The following CRCP variants were observed in gnomAD, a reference collection of about 807,000 sequenced individuals.
The protein encoded by CRCP is DNA-directed RNA polymerase III subunit RPC9.
In CRCP, 18 loss-of-function variants were observed where a neutral mutation model predicts 18.5. The ratio of observed to expected loss-of-function variants is 0.97; its 90% CI spans 0.67 to 1.44. CRCP has a LOEUF of 1.44. Among genes scored for constraint, CRCP ranks in the 40% most tolerant of loss-of-function variants. The pLI is 0.00. For missense variants in CRCP, 130 were observed against 176.4 expected (o/e 0.74, Z 1.49); for synonymous variants, 53 against 62.9 (o/e 0.84, Z 0.75).
At chr7:66,131,443 T>A (rs1344639286) in intron 3 of CRCP, among the ~76,000 whole-genome samples, 1 of 152,126 alleles carries the variant, frequency 6.6e-6, no homozygotes, top group Non-Finnish European at 1.5e-5. Context: ...CAGGTGATGC[T>A]CCCAGCTTAG....
At chr7:66,118,018 C>G (rs1316973340) in intron 1 of CRCP, among the ~76,000 whole-genome samples, 4 of 152,200 alleles carry the variant, frequency 2.6e-5, no homozygotes, top group Non-Finnish European at 5.9e-5. Flanking sequence ...CTTGCTCTGT[C>G]ACCCAGGCTG....
At chr7:66,150,139 G>T (rs1320856645) in intron 5 of CRCP, among the ~76,000 whole-genome samples, 2 of 151,320 alleles carry the variant, frequency 1.3e-5, no homozygotes, top group South Asian at 2.1e-4. Flanking sequence ...TTTTTGGCCG[G>T]GCGCGGTGGC....
At chr7:66,146,795 T>A (rs953742917) in intron 5 of CRCP, among the ~76,000 whole-genome samples, 1 of 152,214 alleles carries the variant, frequency 6.6e-6, no homozygotes, top group Non-Finnish European at 1.5e-5. Context: ...CTGATTATTT[T>A]CATGCTTTAC....
intron 5 of CRCP, among the ~76,000 whole-genome samples, chr7:66,146,096 G>A (rs957989938): frequency 3.9e-5 from 6 of 151,998 alleles, no homozygotes; most frequent in Non-Finnish European, 8.8e-5. Context: ...TTCTTCACGC[G>A]GCTCTTGCGG....
At chr7:66,120,950 T>C (rs557533474) in intron 1 of CRCP, among the ~76,000 whole-genome samples, 224 of 152,008 alleles carry the variant, frequency 1.5e-3, no homozygotes, top group Non-Finnish European at 2.5e-3. Context: ...GAACCTGAAG[T>C]GAGGAGGCAC....
chr7:66,127,655 A>T, intron 1 of CRCP, 49 bp from the exon 2 acceptor site: 1 of 1,607,198 alleles, frequency 6.2e-7, no homozygotes, highest in Non-Finnish European at 8.5e-7. Context: ...TTTGATACCC[A>T]GAAAGGGGTG....
intron 5 of CRCP, among the ~76,000 whole-genome samples, chr7:66,148,475 A>G (rs190917489): frequency 1.3e-5 from 2 of 152,338 alleles, no homozygotes; most frequent in Admixed American, 6.5e-5. Context: ...CCCTGGGTTC[A>G]GAAAACAGTC....
chr7:66,140,495 A>G (rs1207930070), intron 4 of CRCP, among the ~76,000 whole-genome samples: 1 of 151,634 alleles, frequency 6.6e-6, no homozygotes, highest in African/African-American at 2.4e-5. Flanking sequence ...TCCTGGGTTC[A>G]AGTGATTCTC....
chr7:66,147,492 G>C (rs1049953261), intron 5 of CRCP, among the ~76,000 whole-genome samples: 9 of 152,340 alleles, frequency 5.9e-5, no homozygotes, highest in Admixed American at 5.9e-4. Context: ...GGGCTGGTGA[G>C]TGGCTGATTG....
chr7:66,122,032 G>A (rs921638073), intron 1 of CRCP, among the ~76,000 whole-genome samples: 1 of 152,164 alleles, frequency 6.6e-6, no homozygotes, highest in Non-Finnish European at 1.5e-5. Context: ...GAGAATTTGA[G>A]CAATTATTTT....
intron 2 of CRCP, among the ~76,000 whole-genome samples, chr7:66,128,885 T>C (rs1787698467): frequency 6.6e-6 from 1 of 151,994 alleles, no homozygotes; most frequent in African/African-American, 2.4e-5. Context: ...GAGTCTAAAC[T>C]CAGAAAGACT....
chr7:66,152,201 TCTG>T lies in CRCP; in HGVS notation c.298-5_298-3del. On this transcript the variant is annotated splice_region_variant and splice_polypyrimidine_tract_variant and intron_variant, in intron 5 of 5. Coordinates refer to ENST00000395326, the MANE Select transcript of CRCP (RefSeq NM_014478.5). ...GTAACCCTGGAGGATTTTCTTTCCT[TCTG>T]CAGATGGTGGAAGAGAGTGAAGAGC... The T allele has an allele frequency of 6.2e-7, 1 of 1,614,072 alleles. No individual in the cohort carries two copies. Among genetic ancestry groups the T allele is most frequent in the African/African-American group, 1.3e-5 (1 of 75,060 alleles).
chr7:66,114,847 G>T lies in CRCP; in HGVS notation c.-116G>T, dbSNP rs745565808. On this transcript the variant is annotated 5_prime_UTR_variant, in exon 1 of 6. Transcript: ENST00000395326. ...TCCCGGCATGCAGCGCGGCGATCCC[G>T]GCGAGCACCTTGGCGCGCGGAGCTG... is the stretch of plus-strand genomic sequence containing the variant. 19 of 1,598,990 alleles carry T rather than the reference G, an allele frequency of 1.2e-5. No homozygotes were observed. The highest frequency in any genetic ancestry group is 1.4e-5 in the Non-Finnish European group (16 of 1,168,660).
chr7:66,151,673 CTGTGTGTGTGTGTG>C lies in CRCP; in HGVS notation c.298-504_298-491del, dbSNP rs1223890806. On this transcript the variant is annotated intron_variant, in intron 5 of 5. Coordinates refer to ENST00000395326, the MANE Select transcript of CRCP (RefSeq NM_014478.5). Reference sequence around the variant, plus strand: ...TATGCAACCTGTTCACCACTTCTCTCTGTGTGTGTGTGTGTGTGTGTGTGTGTGTGTGTGTGTGT... The same window carrying C: ...TATGCAACCTGTTCACCACTTCTCTCTGTGTGTGTGTGTGTGTGTGTGTGT... Among the ~76,000 whole-genome samples the C allele has an allele frequency of 3.7e-3, 517 of 138,588 alleles. 9 individuals carry two copies. The highest frequency in any genetic ancestry group is 0.013 in the African/African-American group (478 of 37,194). 90.9% of individuals were successfully genotyped at this position (138,588 alleles called of 152,430 possible). A position where few individuals can be genotyped will look rare whatever the true frequency, so the allele number is the denominator to read the frequency against.
chr7:66,144,705 C>T (rs1788242249), intron 4 of CRCP, among the ~76,000 whole-genome samples: 1 of 152,140 alleles, frequency 6.6e-6, no homozygotes. Flanking sequence ...TTGGGAATGC[C>T]TGGCCTCAAG....
intron 4 of CRCP, among the ~76,000 whole-genome samples, chr7:66,138,621 TA>T (rs34807364): frequency 6.2e-4 from 58 of 93,408 alleles, no homozygotes; most frequent in East Asian, 2.3e-3. Context: ...TCGTCTCTAC[TA>T]AAAAAAAAAA....
In CRCP at chr7:66,120,194, A is replaced by G. The variant is rs200449721; in HGVS notation, c.8+5224A>G. Among the ~76,000 whole-genome samples, 62 of 141,508 alleles carry G rather than the reference A, an allele frequency of 4.4e-4. No homozygotes were observed. In the East Asian group the frequency reaches 0.01, roughly 23 times the overall value. The allele number at this position is 141,508 out of a possible 152,430, so 92.8% of individuals were successfully genotyped here. On this transcript the variant is annotated intron_variant, in intron 1 of 5. Coordinates refer to ENST00000395326, the MANE Select transcript of CRCP (RefSeq NM_014478.5). Reference sequence around the variant, plus strand: ...GCGAGACCCCGTCTCAAAAAAAAAGAAAAAAAGAAAAAGAAAAAAAAATGT... The same window carrying G: ...GCGAGACCCCGTCTCAAAAAAAAAGGAAAAAAGAAAAAGAAAAAAAAATGT...
At chr7:66,123,889 A>C (rs1787529402) in intron 1 of CRCP, among the ~76,000 whole-genome samples, 1 of 147,964 alleles carries the variant, frequency 6.8e-6, no homozygotes, top group Non-Finnish European at 1.5e-5. Context: ...CGTCTGTACT[A>C]AAAAAATGAG....
In CRCP at chr7:66,114,978, T is replaced by C; in HGVS notation, c.8+8T>C. ...GCGGGACGTCATGGAAGTGTAAGTCTTCTCGGGCGCGTCCCTTTTCGCCCG... is the reference window on the plus strand; with the variant it reads ...GCGGGACGTCATGGAAGTGTAAGTCCTCTCGGGCGCGTCCCTTTTCGCCCG... On this transcript the variant is annotated splice_region_variant and intron_variant, in intron 1 of 5. Transcript: ENST00000395326. 6.2e-7 allele frequency: 1 copy of C among 1,608,264 alleles called. No individual in the cohort carries two copies. The highest frequency in any genetic ancestry group is 2.2e-5 in the East Asian group (1 of 44,638).
Sources: gnomAD v4.1 joint callset for allele counts (sites outside exome capture counted in the v4.1 genomes callset) on GRCh38, gnomAD v4.1.1 for gene constraint, MANE v1.5 for transcripts, NCBI Gene and HGNC (gene_info 2026-07-23, HGNC 2026-07-21) for gene names.